The following ANKRD30BL variants were observed in gnomAD, a reference collection of about 807,000 sequenced individuals.
The protein encoded by ANKRD30BL is putative ankyrin repeat domain-containing protein 30B-like.
A neutral mutation model predicts 18.4 loss-of-function variants in ANKRD30BL; 20 were observed. That is an observed-to-expected ratio of 1.09 (90% CI 0.77 to 1.58). ANKRD30BL has a LOEUF of 1.58. Ranked by LOEUF, ANKRD30BL falls within the 40% of genes most tolerant of loss-of-function variation. The pLI is 0.00. For synonymous variants in ANKRD30BL, 72 were observed against 100.9 expected, an observed-to-expected ratio of 0.71 and a Z score of 1.72; for missense variants, 224 against 268.6, an observed-to-expected ratio of 0.83 and a Z score of 1.16.
chr2:132,151,622 AAAAC>A (rs1687760010), intron 4 of ANKRD30BL, among the ~76,000 whole-genome samples: 2 of 151,790 alleles, frequency 1.3e-5, no homozygotes, highest in South Asian at 4.2e-4. Flanking sequence ...TTACAAAAAA[AAAAC>A]AAAAAAAATG....
At chr2:132,248,356 C>T (rs146685691) in intron 1 of ANKRD30BL, among the ~76,000 whole-genome samples, 13 of 152,106 alleles carry the variant, frequency 8.5e-5, no homozygotes, top group Admixed American at 3.3e-4. Context: ...ACTGCTCAAT[C>T]GAAAGAAAGA....
At chr2:132,149,124 T>C (rs1307482043) in intron 5 of ANKRD30BL, among the ~76,000 whole-genome samples, 1 of 152,256 alleles carries the variant, frequency 6.6e-6, no homozygotes, top group Non-Finnish European at 1.5e-5. Flanking sequence ...TTGATAAATA[T>C]GTAATAAATT....
intron 1 of ANKRD30BL, among the ~76,000 whole-genome samples, chr2:132,237,026 C>T (rs1406725383): frequency 6.6e-6 from 1 of 150,724 alleles, no homozygotes; most frequent in Non-Finnish European, 1.5e-5. Flanking sequence ...ATCGCAAGAA[C>T]AAAAAACCAA....
intron 1 of ANKRD30BL, among the ~76,000 whole-genome samples, chr2:132,186,191 T>C: frequency 6.6e-6 from 1 of 152,108 alleles, no homozygotes; most frequent in Middle Eastern, 3.4e-3. Flanking sequence ...ACTACCTTTC[T>C]ATTAGATATT....
intron 1 of ANKRD30BL, among the ~76,000 whole-genome samples, chr2:132,177,122 CT>C (rs1456115248): frequency 6.6e-6 from 1 of 151,588 alleles, no homozygotes; most frequent in African/African-American, 2.4e-5. Context: ...ATCTTTTTGC[CT>C]TTTTGCCATT....
At chr2:132,236,609 A>G (rs1680158057) in intron 1 of ANKRD30BL, among the ~76,000 whole-genome samples, 1 of 152,178 alleles carries the variant, frequency 6.6e-6, no homozygotes, top group African/African-American at 2.4e-5. Context: ...GGCAATCATT[A>G]AAAAGAGAGG....
At chr2:132,235,189 A>C (rs1280201255) in intron 1 of ANKRD30BL, among the ~76,000 whole-genome samples, 1 of 152,200 alleles carries the variant, frequency 6.6e-6, no homozygotes, top group Non-Finnish European at 1.5e-5. Context: ...GACATATTTC[A>C]AAATAATAAG....
chr2:132,185,081 G>T (rs1015164404), intron 1 of ANKRD30BL, among the ~76,000 whole-genome samples: 1 of 152,080 alleles, frequency 6.6e-6, no homozygotes, highest in African/African-American at 2.4e-5. Context: ...CAAAGTGCTG[G>T]GATTACAGGC....
chr2:132,177,610 A>AATTT (rs1491084623), intron 1 of ANKRD30BL, among the ~76,000 whole-genome samples: 1 of 152,238 alleles, frequency 6.6e-6, no homozygotes, highest in Non-Finnish European at 1.5e-5. Flanking sequence ...TCGCACACTC[A>AATTT]GAGAGTCTTC....
chr2:132,172,691 T>C (rs1201400878), intron 1 of ANKRD30BL, among the ~76,000 whole-genome samples: 3 of 151,692 alleles, frequency 2.0e-5, no homozygotes, highest in African/African-American at 2.4e-5. Context: ...TGAGTTGTTG[T>C]TCCACTGTCT....
intron 1 of ANKRD30BL, among the ~76,000 whole-genome samples, chr2:132,222,832 T>TAAAAAAAACA: frequency 1.9e-5 from 1 of 52,808 alleles, no homozygotes; most frequent in Non-Finnish European, 3.8e-5. Flanking sequence ...GAATGATCAA[T>TAAAAAAAACA]AAAAAAAAAA....
intron 1 of ANKRD30BL, among the ~76,000 whole-genome samples, chr2:132,189,304 T>C (rs1678794442): frequency 6.6e-6 from 1 of 152,222 alleles, no homozygotes; most frequent in Non-Finnish European, 1.5e-5. Context: ...GAAGATTGTA[T>C]TTAGTAATAT....
At chr2:132,234,105 G>A (rs1369040107) in intron 1 of ANKRD30BL, among the ~76,000 whole-genome samples, 2 of 152,110 alleles carry the variant, frequency 1.3e-5, no homozygotes, top group Non-Finnish European at 2.9e-5. Flanking sequence ...TTAACGCTAT[G>A]AAGGCAGAAA....
At chr2:132,208,830 A>T (rs1314302419) in intron 1 of ANKRD30BL, among the ~76,000 whole-genome samples, 1 of 151,656 alleles carries the variant, frequency 6.6e-6, no homozygotes, top group Non-Finnish European at 1.5e-5. Context: ...ATGGAAAAGG[A>T]AATATCTTCA....
chr2:132,176,684 G>C (rs1434681568), intron 1 of ANKRD30BL, among the ~76,000 whole-genome samples: 1 of 151,988 alleles, frequency 6.6e-6, no homozygotes, highest in African/African-American at 2.4e-5. Context: ...CCAGATACTC[G>C]GGAGGCTGAG....
At chr2:132,186,810 G>T (rs559527241) in intron 1 of ANKRD30BL, among the ~76,000 whole-genome samples, 188 of 152,144 alleles carry the variant, frequency 1.2e-3, no homozygotes, top group African/African-American at 4.0e-3. Context: ...GCCAAAGTTC[G>T]TTAAGTTAAA....
In ANKRD30BL at chr2:132,252,879, C is replaced by T. The variant is rs574226156; in HGVS notation, n.441+4650G>A. ...GACCGTGATGGTGGCCACAGGAACT[C>T]GGCTGCAGCCGGCTATCTTCCCTTT... On this transcript the variant is annotated intron_variant and non_coding_transcript_variant, in intron 1 of 4. Transcript: ENST00000470729. Among the ~76,000 whole-genome samples the T allele has an allele frequency of 5.3e-3, 800 of 152,302 alleles. 1 individual carries two copies. The highest frequency in any genetic ancestry group is 0.013 in the African/African-American group (521 of 41,578).
At chr2:132,151,047 T>TA in intron 4 of ANKRD30BL, 71 bp from the exon 5 acceptor site, 1 of 499,948 alleles carries the variant, frequency 2.0e-6, no homozygotes. Flanking sequence ...CCAAATTTAT[T>TA]ACATTCTTAG....
intron 1 of ANKRD30BL, among the ~76,000 whole-genome samples, chr2:132,249,782 T>C (rs988537941): frequency 6.6e-6 from 1 of 152,088 alleles, no homozygotes; most frequent in Non-Finnish European, 1.5e-5. Context: ...AGGAATTTTC[T>C]CAGAAACTTC....
Sources: gnomAD v4.1 joint callset for allele counts (sites outside exome capture counted in the v4.1 genomes callset) on GRCh38, gnomAD v4.1.1 for gene constraint, MANE v1.5 for transcripts, NCBI Gene and HGNC (gene_info 2026-07-23, HGNC 2026-07-21) for gene names.